Variants in MYOT observed in about 807,000 individuals in gnomAD.
MYOT encodes the protein myotilin.
In MYOT, 36 loss-of-function variants were observed where a neutral mutation model predicts 58.0. The ratio of observed to expected loss-of-function variants is 0.62; its 90% CI spans 0.48 to 0.82. The LOEUF is 0.82. Among genes scored for constraint, MYOT ranks in the 40% least tolerant of loss-of-function variants. The pLI is 0.00. For synonymous variants in MYOT, 218 were observed against 204.6 expected (o/e 1.07, Z -0.56); for missense variants, 505 against 592.1 (o/e 0.85, Z 1.53).
Position 137,880,727 on chromosome 5 carries a change from G to A in MYOT, c.634-89G>A, listed in dbSNP as rs71578936. 12,991 of 1,111,954 alleles carry A rather than the reference G, an allele frequency of 0.012. 89 individuals carry two copies. The highest frequency in any genetic ancestry group is 0.015 in the Non-Finnish European group (10,634 of 728,882). 68.9% of individuals were successfully genotyped at this position (1,111,954 alleles called of 1,614,324 possible). Reference sequence around the variant, plus strand: ...GGCTGTTCAAATACAGCCAAAATAGGAATGTTCCTTTCAACTGTAACTACT... The same window carrying A: ...GGCTGTTCAAATACAGCCAAAATAGAAATGTTCCTTTCAACTGTAACTACT... On this transcript the variant is annotated intron_variant, in intron 4 of 9. Coordinates refer to ENST00000239926, the MANE Select transcript of MYOT (RefSeq NM_006790.3).
intron 4 of MYOT, 98 bp from the exon 5 acceptor site, chr5:137,880,718 C>A: frequency 9.5e-7 from 1 of 1,054,278 alleles, no homozygotes; most frequent in Non-Finnish European, 1.5e-6. Context: ...TCAAATACAG[C>A]CAAAATAGGA....
Position 137,883,405 on chromosome 5 carries a change from G to A in MYOT, c.838G>A (p.Asp280Asn). 6.2e-7 allele frequency: 1 copy of A among 1,614,074 alleles called. No homozygotes were observed. Among genetic ancestry groups the A allele is most frequent in the Non-Finnish European group, 8.5e-7 (1 of 1,180,014 alleles). ...CTAGGTGAGTGGACTGCCAGCTCCT[G>A]ATGTGTCATGGTATCTAAATGGAAG... is the stretch of plus-strand genomic sequence containing the variant. ...DFKVSGLPAP[D>N]VSWYLNGRTV... Residue 280 changes from aspartate to asparagine, a missense_variant, in exon 7 of 10, where the codon GAT (aspartate) becomes AAT (asparagine). Transcript: ENST00000239926.
chr5:137,887,008 C>T lies in MYOT; in HGVS notation c.1324+11C>T, dbSNP rs773002668. The T allele has an allele frequency of 6.2e-7, 1 of 1,611,280 alleles. No individual in the cohort carries two copies. Among genetic ancestry groups the T allele is most frequent in the Non-Finnish European group, 8.5e-7 (1 of 1,177,542 alleles). ...GATTAGACGTTACGGGTATGTCATACTATTAACCAAAGTATTATAAGGGAT... is the reference window on the plus strand; with the variant it reads ...GATTAGACGTTACGGGTATGTCATATTATTAACCAAAGTATTATAAGGGAT... On this transcript the variant is annotated intron_variant, in intron 9 of 9. Transcript: ENST00000239926.
chr5:137,877,671 A>G, intron 4 of MYOT, 50 bp downstream of exon 4: 1 of 1,298,870 alleles, frequency 7.7e-7, no homozygotes, highest in Non-Finnish European at 1.1e-6. Context: ...GCGATTTTTA[A>G]ATGTCTGCTT....
rs751578459 is a variant in MYOT at position 137,870,928 on chromosome 5, CCAGCCAGCTTCCT to C, written c.282_294del (p.Ser95ProfsTer31). On this transcript the variant is annotated frameshift_variant, in exon 2 of 10. Transcript: ENST00000239926. LOFTEE classifies it high-confidence loss of function. ...GGTTACAACCACCTATAACCAGTCC[CCAGCCAGCTTCCT>C]CAGCTCCATATTACCATCACAGCCT... 1.2e-6 allele frequency: 2 copies of C among 1,614,256 alleles called. No individual in the cohort carries two copies. Among genetic ancestry groups the C allele is most frequent in the South Asian group, 2.2e-5 (2 of 91,086 alleles).
chr5:137,876,748 G>A (rs182500671), intron 3 of MYOT, among the ~76,000 whole-genome samples: 7 of 152,296 alleles, frequency 4.6e-5, no homozygotes, highest in African/African-American at 1.7e-4. Flanking sequence ...AGGTCGCCAT[G>A]AGCCAAGATC....
chr5:137,875,714 T>A (rs1742647078), intron 2 of MYOT, 115 bp from the exon 3 acceptor site: 1 of 910,620 alleles, frequency 1.1e-6, no homozygotes. Context: ...ATTAGGGCAA[T>A]TTGTTTTTAA....
At chr5:137,868,297 G>C (rs1171375119) in intron 1 of MYOT, among the ~76,000 whole-genome samples, 3 of 151,988 alleles carry the variant, frequency 2.0e-5, no homozygotes, top group Non-Finnish European at 4.4e-5. Context: ...ATTAGAGACA[G>C]GAAAAAAATG....
At chr5:137,880,750 A>G in intron 4 of MYOT, 66 bp from the exon 5 acceptor site, 1 of 1,279,766 alleles carries the variant, frequency 7.8e-7, no homozygotes. Context: ...AACTGTAACT[A>G]CTTAATTCTG....
In MYOT at chr5:137,879,516, CTTTTTTTTTTTT is replaced by C. The variant is rs34327276; in HGVS notation, c.634-1285_634-1274del. The stretch of plus-strand genomic sequence containing the variant: ...CAATATTATACTGATGATGGTTCAT[CTTTTTTTTTTTT>C]TTTTTTTTTTTTTTGAGACGGAGTC... On this transcript the variant is annotated intron_variant, in intron 4 of 9. Coordinates refer to ENST00000239926, the MANE Select transcript of MYOT (RefSeq NM_006790.3). 4.0e-5 allele frequency among the ~76,000 whole-genome samples: 4 copies of C among 99,516 alleles called. No homozygotes were observed. The Admixed American group carries it at 4.3e-4, about 11-fold the overall frequency. The allele number at this position is 99,516 out of a possible 152,430, so 65.3% of individuals were successfully genotyped here.
At chr5:137,875,758 T>C (rs947711669) in intron 2 of MYOT, 71 bp from the exon 3 acceptor site, 1 of 1,434,912 alleles carries the variant, frequency 7.0e-7, no homozygotes, top group Non-Finnish European at 9.8e-7. Context: ...AAACTCAACA[T>C]ATCTAAAGGT....
chr5:137,875,850 C>A lies in MYOT; in HGVS notation c.378C>A (p.Gly126=). The A allele has an allele frequency of 6.2e-7, 1 of 1,614,038 alleles. No individual in the cohort carries two copies. Among genetic ancestry groups the A allele is most frequent in the Non-Finnish European group, 8.5e-7 (1 of 1,179,990 alleles). The change falls in exon 3 of 10, where the codon GGC becomes GGA. Residue 126 remains glycine (G), a synonymous_variant. Transcript: ENST00000239926. ...AAAGCTATCAACAGTCCTCAGCTGG[C>A]CAACCTATAAATGCAAAGCCATCCC... ...MDSNYQQSSA[G]QPINAKPSQT... is the part of the protein sequence containing the mutation.
chr5:137,887,402 G>A lies in MYOT; in HGVS notation c.*17G>A. 6.2e-7 allele frequency: 1 copy of A among 1,612,630 alleles called. No individual in the cohort carries two copies. The highest frequency in any genetic ancestry group is 8.5e-7 in the Non-Finnish European group (1 of 1,178,980). Reference sequence around the variant, plus strand: ...GAACTTTAATAACTTTACCAACATTGGAAAACAGCCAACTACACCATTAGT... The same window carrying A: ...GAACTTTAATAACTTTACCAACATTAGAAAACAGCCAACTACACCATTAGT... On this transcript the variant is annotated 3_prime_UTR_variant, in exon 10 of 10. Coordinates refer to ENST00000239926, the MANE Select transcript of MYOT (RefSeq NM_006790.3).
At chr5:137,880,781 G>GC in intron 4 of MYOT, 35 bp from the exon 5 acceptor site, 2 of 1,553,396 alleles carry the variant, frequency 1.3e-6, no homozygotes, top group South Asian at 2.2e-5. Context: ...GCTAACAATT[G>GC]CATGTAAACA....
intron 7 of MYOT, among the ~76,000 whole-genome samples, chr5:137,885,771 CAAAAAAAAAA>C (rs71583286): frequency 2.4e-3 from 73 of 30,982 alleles, no homozygotes; most frequent in Admixed American, 9.8e-3. Flanking sequence ...GACTCTGTCT[CAAAAAAAAAA>C]AAAAAAAAAA....
Position 137,883,430 on chromosome 5 carries a change from G to A in MYOT, c.863G>A (p.Arg288Lys), listed in dbSNP as rs770470042. The change falls in exon 7 of 10, where the codon AGA becomes AAA. Residue 288 changes from arginine to lysine, a missense_variant. Coordinates refer to ENST00000239926, the MANE Select transcript of MYOT (RefSeq NM_006790.3). ...GATGTGTCATGGTATCTAAATGGAA[G>A]AACAGTTCAATCAGATGATTTGCAC... Reference protein sequence around the residue: ...APDVSWYLNGRTVQSDDLHKM... With the variant: ...APDVSWYLNGKTVQSDDLHKM... The A allele has an allele frequency of 6.2e-7, 1 of 1,614,028 alleles. No individual in the cohort carries two copies. Among genetic ancestry groups the A allele is most frequent in the South Asian group, 1.1e-5 (1 of 91,070 alleles).
At chr5:137,879,106 G>C (rs78423370) in intron 4 of MYOT, among the ~76,000 whole-genome samples, 3,474 of 152,086 alleles carry the variant, frequency 0.023, 121 homozygotes, top group African/African-American at 0.079. Context: ...GCTAGTTTTT[G>C]TATTTTTTAG....
rs3764812 is a variant in MYOT at position 137,887,166 on chromosome 5, T to C, written c.1325-47T>C. 184 of 1,611,146 alleles carry C rather than the reference T, an allele frequency of 1.1e-4. No individual in the cohort carries two copies. In the East Asian group the frequency reaches 4.1e-3, roughly 36 times the overall value. The stretch of plus-strand genomic sequence containing the variant: ...TAATAAATACCTAGTGTGACCAATT[T>C]GGTTAGAACAGGTTTTCTGAATCAA... On this transcript the variant is annotated intron_variant, in intron 9 of 9. Coordinates refer to ENST00000239926, the MANE Select transcript of MYOT (RefSeq NM_006790.3).
intron 1 of MYOT, 127 bp from the exon 2 acceptor site, chr5:137,870,314 C>G (rs1755004731): frequency 5.0e-6 from 2 of 401,282 alleles, no homozygotes; most frequent in South Asian, 4.3e-5. Flanking sequence ...CACACACACA[C>G]ACACACACAC....
Sources: allele counts gnomAD v4.1 joint callset (sites outside exome capture counted in the v4.1 genomes callset), GRCh38; gene constraint gnomAD v4.1.1; transcripts MANE v1.5; gene names NCBI Gene and HGNC (gene_info 2026-07-23, HGNC 2026-07-21).